The following CUX1 variants were observed in gnomAD, a reference collection of about 807,000 sequenced individuals.
CUX1 encodes the protein cut like homeobox 1.
CUX1 carries 31 observed loss-of-function variants against 158.8 expected under a neutral mutation model. That is an observed-to-expected ratio of 0.20 (90% CI 0.15 to 0.26). The LOEUF (loss-of-function observed/expected upper bound fraction) is 0.26. CUX1 is among the 10% of genes least tolerant of loss of function. The pLI, the probability that CUX1 is intolerant of heterozygous loss-of-function variation, is 1.00. For synonymous variants in CUX1, 879 were observed against 862.1 expected (o/e 1.02, Z -0.34); for missense variants, 1,589 against 2,014.6 (o/e 0.79, Z 4.04).
rs555211512 is a variant in CUX1, at chr7:102,258,119, G to A, written c.*9077G>A. On this transcript the variant is annotated 3_prime_UTR_variant, in exon 24 of 24. Transcript: ENST00000292535. ...ATGTTTGTTCTCAGCACTGTACAAC[G>A]GTCCCTATATAATACGGAGAAGCAA... 12 of 985,134 alleles carry A rather than the reference G, an allele frequency of 1.2e-5. No homozygotes were observed. In the East Asian group the frequency reaches 3.4e-4, roughly 28 times the overall value. The allele number at this position is 985,134 out of a possible 1,614,324, so 61.0% of individuals were successfully genotyped here.
Position 101,916,804 on chromosome 7 carries a change from C to T in CUX1, c.141+579C>T, listed in dbSNP as rs988382681. Among the ~76,000 whole-genome samples, 3 of 151,946 alleles carry T rather than the reference C, an allele frequency of 2.0e-5. No individual in the cohort carries two copies. Among genetic ancestry groups the T allele is most frequent in the African/African-American group, 4.8e-5 (2 of 41,378 alleles). ...TTTTATATACTCCTGTTTTTTCTCT[C>T]GTGAGTGTGCAATCGGGGGACAGTG... On this transcript the variant is annotated intron_variant, in intron 2 of 23. Transcript: ENST00000292535. The surrounding 1 kb of genome is among the most constrained non-coding windows in gnomAD (Gnocchi z 4.4).
intron 9 of CUX1, among the ~76,000 whole-genome samples, chr7:102,165,004 A>T (rs1790857413): frequency 6.6e-6 from 1 of 152,136 alleles, no homozygotes; most frequent in Admixed American, 6.6e-5. Context: ...GGGTGGGGGA[A>T]GGAGTCTGCC....
At chr7:102,149,536 CT>C (rs1157010236) in intron 8 of CUX1, among the ~76,000 whole-genome samples, 3 of 152,150 alleles carry the variant, frequency 2.0e-5, no homozygotes, top group African/African-American at 7.2e-5. Flanking sequence ...ATTTGTTTCC[CT>C]TGGGTGTGGT....
intron 4 of CUX1, 29 bp from the exon 5 acceptor site, chr7:102,097,335 G>A: frequency 6.3e-7 from 1 of 1,593,264 alleles, no homozygotes; most frequent in Non-Finnish European, 8.5e-7. Context: ...CTGGCCGAGT[G>A]GGGTGATGGC....
At chr7:101,922,872 G>A (rs1805122476) in intron 2 of CUX1, among the ~76,000 whole-genome samples, 1 of 152,264 alleles carries the variant, frequency 6.6e-6, no homozygotes, top group African/African-American at 2.4e-5. Flanking sequence ...CAGCATGTCA[G>A]GAGGGAGCAG....
intron 9 of CUX1, among the ~76,000 whole-genome samples, chr7:102,166,484 T>TA (rs1554508806): frequency 3.7e-4 from 57 of 152,216 alleles, no homozygotes; most frequent in African/African-American, 1.3e-3. Flanking sequence ...CCGCTAGATC[T>TA]GGGGTTCCAG....
chr7:102,145,496 A>T (rs932504889), intron 8 of CUX1, among the ~76,000 whole-genome samples: 2 of 152,168 alleles, frequency 1.3e-5, no homozygotes, highest in Non-Finnish European at 2.9e-5. Flanking sequence ...ATACACAATC[A>T]TAATGAATCC....
chr7:102,033,707 A>G (rs543676235), intron 3 of CUX1, among the ~76,000 whole-genome samples: 2 of 152,368 alleles, frequency 1.3e-5, no homozygotes, highest in South Asian at 2.1e-4. Context: ...AGTTTTATCA[A>G]TCATTCATGA....
In CUX1 at chr7:102,146,592, T is replaced by C. The variant is rs140268135; in HGVS notation, c.675-11968T>C. 7.9e-5 allele frequency among the ~76,000 whole-genome samples: 12 copies of C among 152,166 alleles called. No homozygotes were observed. The East Asian group carries it at 2.3e-3, about 29-fold the overall frequency. On this transcript the variant is annotated intron_variant, in intron 8 of 23. Transcript: ENST00000292535. The stretch of plus-strand genomic sequence containing the variant: ...TCGTTCTTATGTTCGTTGGTTTGTT[T>C]TTTCTTTCTTTCTTTCTTTTTTTTA...
intron 1 of CUX1, among the ~76,000 whole-genome samples, chr7:101,874,986 C>G (rs1009917804): frequency 1.3e-5 from 2 of 152,142 alleles, no homozygotes. Context: ...ACCCACCGCG[C>G]GCTGGCCGCA....
At chr7:102,196,484 A>G in intron 14 of CUX1, 150 bp from the exon 15 acceptor site, 1 of 660,396 alleles carries the variant, frequency 1.5e-6, no homozygotes, top group Non-Finnish European at 2.4e-6. Context: ...ATCGGAAAAC[A>G]AACCAACCCA....
At chr7:102,220,963 G>A (rs1797738835) in intron 20 of CUX1, among the ~76,000 whole-genome samples, 2 of 152,006 alleles carry the variant, frequency 1.3e-5, no homozygotes, top group South Asian at 4.2e-4. Flanking sequence ...TGCCCACCTC[G>A]GCCTCCCAAA....
At chr7:101,941,811 C>T (rs577538955) in intron 2 of CUX1, among the ~76,000 whole-genome samples, 3 of 152,274 alleles carry the variant, frequency 2.0e-5, no homozygotes, top group East Asian at 3.9e-4. Flanking sequence ...TTTGGACGCA[C>T]GGGTTATGAG....
intron 2 of CUX1, among the ~76,000 whole-genome samples, chr7:102,009,706 A>G (rs1670399523): frequency 6.6e-6 from 1 of 152,224 alleles, no homozygotes; most frequent in Non-Finnish European, 1.5e-5. Context: ...TCCTTACAGA[A>G]TCTTCTGTTC....
At chr7:102,200,417 A>G (rs1354389569) in intron 17 of CUX1, among the ~76,000 whole-genome samples, 4 of 151,992 alleles carry the variant, frequency 2.6e-5, no homozygotes, top group Non-Finnish European at 5.9e-5. Context: ...ATCTCAGCTC[A>G]CTGCAACCTC....
chr7:101,864,511 T>A (rs1797758992), intron 1 of CUX1, among the ~76,000 whole-genome samples: 1 of 151,904 alleles, frequency 6.6e-6, no homozygotes, highest in Admixed American at 6.6e-5. Context: ...TTTAAGGTGG[T>A]ATCTCATTGT....
chr7:101,946,498 C>T (rs1373863691), intron 2 of CUX1, among the ~76,000 whole-genome samples: 5 of 134,800 alleles, frequency 3.7e-5, no homozygotes, highest in African/African-American at 1.4e-4. Context: ...GAGCCAGGAT[C>T]GTGCCACTGC....
At chr7:102,198,995 A>G in intron 16 of CUX1, 128 bp downstream of exon 16, 1 of 852,040 alleles carries the variant, frequency 1.2e-6, no homozygotes. Flanking sequence ...AACAGCTAGT[A>G]AGTATAAAAC....
At chr7:102,243,602 C>T (rs898260549) in intron 23 of CUX1, among the ~76,000 whole-genome samples, 17 of 149,042 alleles carry the variant, frequency 1.1e-4, no homozygotes, top group African/African-American at 3.5e-4. Flanking sequence ...GAGTTTGAGA[C>T]CAGCCTCAGT....
Sources: allele counts gnomAD v4.1 joint callset (sites outside exome capture counted in the v4.1 genomes callset), GRCh38; gene constraint gnomAD v4.1.1; non-coding constraint Gnocchi (gnomAD v3.1); transcripts MANE v1.5; gene names NCBI Gene and HGNC (gene_info 2026-07-23, HGNC 2026-07-21).